The following ZC3HAV1 variants were observed in gnomAD, a reference collection of about 807,000 sequenced individuals.
The protein encoded by ZC3HAV1 is zinc finger CCCH-type antiviral protein 1.
ZC3HAV1 carries 41 observed loss-of-function variants against 86.6 expected under a neutral mutation model. The observed-to-expected ratio is 0.47, with a 90% CI of 0.37 to 0.61. The LOEUF (loss-of-function observed/expected upper bound fraction) is 0.61, where lower values mean the gene tolerates loss of function less well. ZC3HAV1 is among the 20% of genes least tolerant of loss of function. The pLI, the probability that ZC3HAV1 is intolerant of heterozygous loss-of-function variation, is 0.00. For missense variants in ZC3HAV1, 964 were observed against 1,141.1 expected (o/e 0.84, Z 2.24); for synonymous variants, 421 against 432.1 (o/e 0.97, Z 0.32).
rs1322045647 is a variant in ZC3HAV1 at position 139,080,024 on chromosome 7, G to A, written c.917C>T (p.Ala306Val). The change falls in exon 4 of 13, where the codon GCT becomes GTT. Residue 306 changes from alanine (A) to valine (V), a missense_variant. Transcript: ENST00000242351. ...CTTGGACGAGCCTGAGGGAGGCCGA[G>A]CGCGATCCTGACTCCCCAGATACGT... is the stretch of plus-strand genomic sequence containing the variant. ...KFTYLGSQDR[A>V]RPPSGSSKAT... is the part of the protein sequence containing the mutation. 1 of 1,614,184 alleles carries A rather than the reference G, an allele frequency of 6.2e-7. No individual in the cohort carries two copies. Among genetic ancestry groups the A allele is most frequent in the East Asian group, 2.2e-5 (1 of 44,866 alleles).
intron 10 of ZC3HAV1, among the ~76,000 whole-genome samples, chr7:139,054,399 G>A (rs892072691): frequency 1.3e-5 from 2 of 152,186 alleles, no homozygotes; most frequent in African/African-American, 4.8e-5. Flanking sequence ...AAGAGGAATT[G>A]AGGTGCCATG....
rs139849022 is a variant in ZC3HAV1, at chr7:139,053,022, C to T, written c.2449+429G>A. On this transcript the variant is annotated intron_variant, in intron 12 of 12. Transcript: ENST00000242351. ...CTGTGACACTTCAGACCGAGGTGAC[C>T]CAGTGTGGCCTGAGATGGGGAGAGG... Among the ~76,000 whole-genome samples, 384 of 152,168 alleles carry T rather than the reference C, an allele frequency of 2.5e-3. 1 individual carries two copies. The highest frequency in any genetic ancestry group is 8.9e-3 in the African/African-American group (369 of 41,524).
intron 7 of ZC3HAV1, among the ~76,000 whole-genome samples, chr7:139,070,010 G>A (rs2130691289): frequency 6.6e-6 from 1 of 152,272 alleles, no homozygotes; most frequent in East Asian, 1.9e-4. Context: ...TTCTTGATAT[G>A]TGGGGTTCAA....
Position 139,108,722 on chromosome 7 carries a change from C to T in ZC3HAV1, c.308+302G>A, listed in dbSNP as rs1404364956. Among the ~76,000 whole-genome samples, 1 of 152,180 alleles carries T rather than the reference C, an allele frequency of 6.6e-6. No individual in the cohort carries two copies. Among genetic ancestry groups the T allele is most frequent in the Non-Finnish European group, 1.5e-5 (1 of 68,028 alleles). ...CTGGCTGGCTCCAGAGCACTTTATTCTTCTGATTCGTGCGGGCGGGCGGGG... is the reference window on the plus strand; with the variant it reads ...CTGGCTGGCTCCAGAGCACTTTATTTTTCTGATTCGTGCGGGCGGGCGGGG... On this transcript the variant is annotated intron_variant, in intron 1 of 12. Transcript: ENST00000242351. This position sits in a 1 kb window ranked among gnomAD's most constrained non-coding sequence, Gnocchi z 4.2.
chr7:139,066,149 G>T (rs1206568010), intron 7 of ZC3HAV1, among the ~76,000 whole-genome samples: 1 of 152,102 alleles, frequency 6.6e-6, no homozygotes, highest in African/African-American at 2.4e-5. Context: ...GTATTTAATG[G>T]TGAGGAGACT....
intron 5 of ZC3HAV1, 87 bp from the exon 6 acceptor site, chr7:139,076,496 A>G: frequency 6.4e-7 from 1 of 1,558,366 alleles, no homozygotes; most frequent in Non-Finnish European, 8.7e-7. Context: ...TTCCCCATCC[A>G]TGCCTGCCCT....
chr7:139,061,991 G>A (rs1486929064), intron 8 of ZC3HAV1, among the ~76,000 whole-genome samples: 1 of 152,184 alleles, frequency 6.6e-6, no homozygotes, highest in Non-Finnish European at 1.5e-5. Flanking sequence ...TACTGCAAGC[G>A]TTTATTAATA....
intron 4 of ZC3HAV1, chr7:139,079,257 C>G (rs1450335517): frequency 6.5e-7 from 1 of 1,536,788 alleles, no homozygotes; most frequent in Non-Finnish European, 8.7e-7. Flanking sequence ...TGTGCAGGGG[C>G]AGTGGATTCC....
intron 3 of ZC3HAV1, among the ~76,000 whole-genome samples, chr7:139,082,395 G>T (rs1406863963): frequency 6.6e-6 from 1 of 151,446 alleles, no homozygotes; most frequent in East Asian, 1.9e-4. Flanking sequence ...TGCACTGCTG[G>T]CAGAAATGAA....
intron 9 of ZC3HAV1, among the ~76,000 whole-genome samples, chr7:139,060,122 C>T (rs928316506): frequency 6.6e-6 from 1 of 152,096 alleles, no homozygotes; most frequent in African/African-American, 2.4e-5. Flanking sequence ...TTCCTGAGGC[C>T]CTGATATAGC....
rs775826715 is a variant in ZC3HAV1, at chr7:139,060,963, C to A, written c.2096+73G>T. 4 of 1,607,538 alleles carry A rather than the reference C, an allele frequency of 2.5e-6. No individual in the cohort carries two copies. The South Asian group carries it at 4.4e-5, about 18-fold the overall frequency. On this transcript the variant is annotated intron_variant, in intron 9 of 12. Coordinates refer to ENST00000242351, the MANE Select transcript of ZC3HAV1 (RefSeq NM_020119.4). ...TTCAGGAAAACAGGCTCCAGATTCACGAGTGACTTGATGAGCCCAGGGCAT... is the reference window on the plus strand; with the variant it reads ...TTCAGGAAAACAGGCTCCAGATTCAAGAGTGACTTGATGAGCCCAGGGCAT...
Position 139,079,874 on chromosome 7 carries a change from G to A in ZC3HAV1, c.1067C>T (p.Ala356Val), listed in dbSNP as rs966761719. Reference sequence around the variant, plus strand: ...GGATGTGAGGCTCTTCCAGTTGGGGGCTGATGTTGAATTGGAAGCAAGGTA... The same window carrying A: ...GGATGTGAGGCTCTTCCAGTTGGGGACTGATGTTGAATTGGAAGCAAGGTA... ...STYLASNSTS[A>V]PNWKSLTSWT... is the part of the protein sequence containing the mutation. Residue 356 changes from alanine to valine, a missense_variant, in exon 4 of 13, where the codon GCC becomes GTC. Ala to Val is a moderately conservative substitution (Grantham distance 64). Coordinates refer to ENST00000242351, the MANE Select transcript of ZC3HAV1 (RefSeq NM_020119.4). The A allele has an allele frequency of 1.2e-6, 2 of 1,614,168 alleles. No individual in the cohort carries two copies. The highest frequency in any genetic ancestry group is 1.7e-6 in the Non-Finnish European group (2 of 1,180,044).
At position 139,053,894 on chromosome 7, in the gene ZC3HAV1, A is replaced by G. The variant is rs1056406074; in HGVS notation, c.2318+71T>C. ...TACTAAAATAAATCAGTGAATATAA[A>G]TCTCAAAGGACGGATATTAACTAAT... On this transcript the variant is annotated intron_variant, in intron 11 of 12. Transcript: ENST00000242351. 4.5e-6 allele frequency: 7 copies of G among 1,545,840 alleles called. No individual in the cohort carries two copies. The East Asian group carries it at 1.4e-4, about 31-fold the overall frequency.
At position 139,079,792 on chromosome 7, in the gene ZC3HAV1, G is replaced by A. The variant is rs576083294; in HGVS notation, c.1149C>T (p.Ala383=). Residue 383 remains alanine, a synonymous_variant, in exon 4 of 13, where the codon GCC becomes GCT. Transcript: ENST00000242351. ...RKTVFSPTLP[A]ARSSLGSLQT... is the part of the protein sequence containing the mutation. The stretch of plus-strand genomic sequence containing the variant: ...GCAGAGAGCCAAGAGAAGAGCGGGC[G>A]GCAGGTAGCGTGGGAGAAAACACAG... The A allele has an allele frequency of 1.7e-5, 28 of 1,614,126 alleles. No individual in the cohort carries two copies. The highest frequency in any genetic ancestry group is 1.6e-4 in the South Asian group (15 of 91,082).
Position 139,080,054 on chromosome 7 carries a change from T to G in ZC3HAV1, c.887A>C (p.Lys296Thr), listed in dbSNP as rs775565246. ...ATCCTGACTCCCCAGATACGTGAAC[T>G]TGCGGGTGAGATCGTCCACAGGCGC... ...EDAPVDDLTR[K>T]FTYLGSQDRA... is the part of the protein sequence containing the mutation. Residue 296 changes from lysine (K) to threonine (T), a missense_variant, in exon 4 of 13, where the codon AAG (lysine) becomes ACG (threonine). Lys to Thr is a moderately conservative substitution (Grantham distance 78). Transcript: ENST00000242351. 3 of 1,614,158 alleles carry G rather than the reference T, an allele frequency of 1.9e-6. No homozygotes were observed. The South Asian group carries it at 3.3e-5, about 18-fold the overall frequency.
rs773005704 is a variant in ZC3HAV1, at chr7:139,109,014, G to A, written c.308+10C>T. The A allele has an allele frequency of 6.5e-7, 1 of 1,541,874 alleles. No individual in the cohort carries two copies. Among genetic ancestry groups the A allele is most frequent in the Admixed American group, 1.9e-5 (1 of 52,574 alleles). ...CTGCGGACAGCGCCCCTCCCTCCGGGTGCACTCACCGCTCGGACTGCGAAT... is the reference window on the plus strand; with the variant it reads ...CTGCGGACAGCGCCCCTCCCTCCGGATGCACTCACCGCTCGGACTGCGAAT... On this transcript the variant is annotated intron_variant, in intron 1 of 12. Transcript: ENST00000242351.
chr7:139,102,958 A>G (rs1463373582), intron 1 of ZC3HAV1, among the ~76,000 whole-genome samples: 1 of 138,076 alleles, frequency 7.2e-6, no homozygotes, highest in Non-Finnish European at 1.6e-5. Flanking sequence ...ATGTATATGT[A>G]TATGTATATG....
chr7:139,053,863 G>A, intron 11 of ZC3HAV1, 102 bp downstream of exon 11: 1 of 1,336,742 alleles, frequency 7.5e-7, no homozygotes, highest in Non-Finnish European at 1.0e-6. Context: ...TAAAGGAACT[G>A]TTAACTACTA....
intron 1 of ZC3HAV1, among the ~76,000 whole-genome samples, chr7:139,094,173 A>AT (rs1817513202): frequency 6.6e-6 from 1 of 152,176 alleles, no homozygotes; most frequent in African/African-American, 2.4e-5. Flanking sequence ...CAGGAGGTCC[A>AT]TTAGATTCCT....
Sources: allele counts gnomAD v4.1 joint callset (sites outside exome capture counted in the v4.1 genomes callset), GRCh38; gene constraint gnomAD v4.1.1; non-coding constraint Gnocchi (gnomAD v3.1); transcripts MANE v1.5; gene names NCBI Gene and HGNC (gene_info 2026-07-23, HGNC 2026-07-21).